Variants in GPT2 observed in about 807,000 individuals in gnomAD.
The protein encoded by GPT2 is glutamic--pyruvic transaminase 2, also known as alanine aminotransferase 2.
In GPT2, 30 loss-of-function variants were observed where a neutral mutation model predicts 56.9. That is an observed-to-expected ratio of 0.53 (90% CI 0.39 to 0.72). GPT2 has a LOEUF of 0.72. Ranked by LOEUF, GPT2 falls within the 30% of genes least tolerant of loss-of-function variation. The pLI is 0.00. For missense variants in GPT2, 542 were observed against 703.4 expected, an observed-to-expected ratio of 0.77 and a Z score of 2.60; for synonymous variants, 271 against 283.1, an observed-to-expected ratio of 0.96 and a Z score of 0.43.
In GPT2 at chr16:46,924,496, C is replaced by T. The variant is rs753982355; in HGVS notation, c.1320C>T (p.Tyr440=). The T allele has an allele frequency of 3.1e-5, 50 of 1,614,110 alleles. No individual in the cohort carries two copies. Among genetic ancestry groups the T allele is most frequent in the African/African-American group, 5.3e-5 (4 of 74,946 alleles). The change falls in exon 10 of 12, where the codon TAC becomes TAT. Residue 440 remains tyrosine, a synonymous_variant. Transcript: ENST00000340124. ...GCAACCCCTTGCAGGGGGCCATGTA[C>T]GCCTTCCCTCGGATCTTCATTCCTG... The part of the protein sequence containing the change: ...IHCNPLQGAM[Y]AFPRIFIPAK...
At chr16:46,901,003 G>A (rs926153715) in intron 4 of GPT2, among the ~76,000 whole-genome samples, 22 of 152,126 alleles carry the variant, frequency 1.4e-4, no homozygotes, top group Admixed American at 8.5e-4. Flanking sequence ...CCACCTTTAG[G>A]TGCAAGTGCC....
At chr16:46,888,794 T>C (rs1377090123) in intron 2 of GPT2, among the ~76,000 whole-genome samples, 2 of 151,234 alleles carry the variant, frequency 1.3e-5, no homozygotes, top group African/African-American at 2.4e-5. Context: ...GGACTACAGG[T>C]GTGCACCACC....
Position 46,924,567 on chromosome 16 carries a change from GCT to G in GPT2, c.1368+30_1368+31del, listed in dbSNP as rs572973528. ...CAGGTCTGGGGCATGGGCTGGGCTGGCTCTCTCTTACCAGGTTCACCTGAGAT... is the reference window on the plus strand; with the variant it reads ...CAGGTCTGGGGCATGGGCTGGGCTGGCTCTCTTACCAGGTTCACCTGAGAT... On this transcript the variant is annotated intron_variant, in intron 10 of 11. Transcript: ENST00000340124. The G allele has an allele frequency of 5.8e-4, 941 of 1,612,074 alleles. 14 individuals are homozygous for G. The South Asian group carries it at 9.8e-3, about 17-fold the overall frequency.
At position 46,884,776 on chromosome 16, in the gene GPT2, G is replaced by A; in HGVS notation, c.61G>A (p.Gly21Ser). Residue 21 changes from glycine (G) to serine (S), a missense_variant, in exon 2 of 12, where the codon GGC becomes AGC. Physicochemically the swap from Gly to Ser is moderately conservative, Grantham distance 56. Transcript: ENST00000340124. ...GCGPRTPSSW[G>S]RSQSSAAAEA... Reference sequence around the variant, plus strand: ...TGGTCCCCGGACCCCCAGCTCCTGGGGCCGCAGCCAGAGCAGCGCGGCCGC... The same window carrying A: ...TGGTCCCCGGACCCCCAGCTCCTGGAGCCGCAGCCAGAGCAGCGCGGCCGC... The A allele has an allele frequency of 6.7e-7, 1 of 1,503,444 alleles. No individual in the cohort carries two copies. Among genetic ancestry groups the A allele is most frequent in the South Asian group, 1.3e-5 (1 of 77,734 alleles). 93.1% of individuals were successfully genotyped at this position (1,503,444 alleles called of 1,614,324 possible).
In GPT2 at chr16:46,926,946, A is replaced by G. The variant is rs1596637406; in HGVS notation, c.1390A>G (p.Met464Val). Residue 464 changes from methionine to valine, a missense_variant, in exon 11 of 12, where the codon ATG becomes GTG. Transcript: ENST00000340124. ...ATAGGCCCATCAAATGGCTCCAGAC[A>G]TGTTCTACTGCATGAAGCTCCTGGA... ...AAQAHQMAPD[M>V]FYCMKLLEET... 2.5e-6 allele frequency: 4 copies of G among 1,598,442 alleles called. No homozygotes were observed. The highest frequency in any genetic ancestry group is 3.4e-6 in the Non-Finnish European group (4 of 1,173,660).
Position 46,916,693 on chromosome 16 carries a change from C to G in GPT2, c.886C>G (p.Leu296Val). The change falls in exon 7 of 12, where the codon CTC becomes GTC. Residue 296 changes from leucine to valine, a missense_variant. Physicochemically the swap from Leu to Val is conservative, Grantham distance 32. Coordinates refer to ENST00000340124, the MANE Select transcript of GPT2 (RefSeq NM_133443.4). ...IHFAWEEKLF[L>V]LADEVYQDNV... ...CTTTGCCTGGGAAGAGAAGCTCTTT[C>G]TCCTGGCTGATGAGGTAAGAATGTC... is the stretch of plus-strand genomic sequence containing the variant. The G allele has an allele frequency of 6.2e-7, 1 of 1,612,544 alleles. No homozygotes were observed. Among genetic ancestry groups the G allele is most frequent in the Non-Finnish European group, 8.5e-7 (1 of 1,178,544 alleles).
chr16:46,891,338 G>A (rs984935189), intron 2 of GPT2, among the ~76,000 whole-genome samples: 1 of 151,690 alleles, frequency 6.6e-6, no homozygotes, highest in African/African-American at 2.4e-5. Flanking sequence ...CGTCTCCCGG[G>A]TTCAGGTGAT....
At chr16:46,924,655 A>C in intron 10 of GPT2, 111 bp downstream of exon 10, 1 of 1,102,432 alleles carries the variant, frequency 9.1e-7, no homozygotes, top group Non-Finnish European at 1.3e-6. Context: ...GAGGCTCGGA[A>C]CTGTATGCAC....
chr16:46,898,924 A>ATG (rs1960746049), intron 3 of GPT2, among the ~76,000 whole-genome samples: 1 of 143,502 alleles, frequency 7.0e-6, no homozygotes, highest in African/African-American at 2.6e-5. Context: ...ACACACATAT[A>ATG]TATGTGTATA....
At chr16:46,899,035 A>ATATATAT (rs1567335287) in intron 3 of GPT2, among the ~76,000 whole-genome samples, 3 of 77,180 alleles carry the variant, frequency 3.9e-5, no homozygotes, top group African/African-American at 2.7e-4. Flanking sequence ...ATATATATAT[A>ATATATAT]TTTTTTTTTT....
intron 3 of GPT2, among the ~76,000 whole-genome samples, chr16:46,899,346 G>A (rs1960772260): frequency 6.6e-6 from 1 of 152,156 alleles, no homozygotes; most frequent in South Asian, 2.1e-4. Flanking sequence ...AGTGCTGTGT[G>A]TGGTTAAGGT....
At chr16:46,922,521 A>C in intron 9 of GPT2, 105 bp downstream of exon 9, 1 of 1,123,024 alleles carries the variant, frequency 8.9e-7, no homozygotes, top group Non-Finnish European at 1.3e-6. Flanking sequence ...CAGCCTCCTG[A>C]GGGTGTGGCC....
intron 11 of GPT2, 63 bp from the exon 12 acceptor site, chr16:46,928,844 C>T: frequency 7.9e-7 from 1 of 1,258,382 alleles, no homozygotes; most frequent in Non-Finnish European, 1.2e-6. Flanking sequence ...AGTTTAGCTG[C>T]TGGATTCGTT....
At chr16:46,893,365 T>G (rs1294699410) in intron 2 of GPT2, among the ~76,000 whole-genome samples, 2 of 151,888 alleles carry the variant, frequency 1.3e-5, no homozygotes, top group Non-Finnish European at 2.9e-5. Context: ...TCTGCTGACC[T>G]CGTGATCTAC....
intron 3 of GPT2, among the ~76,000 whole-genome samples, chr16:46,898,589 GC>G (rs777618932): frequency 6.6e-6 from 1 of 151,898 alleles, no homozygotes; most frequent in Non-Finnish European, 1.5e-5. Context: ...TTGTTTTGTT[GC>G]CCAGGTTGCA....
intron 2 of GPT2, chr16:46,885,347 G>A: frequency 1.2e-5 from 8 of 674,560 alleles, no homozygotes; most frequent in Non-Finnish European, 1.3e-5. Flanking sequence ...ACGGAAGAGG[G>A]TTGGGATGGG....
At chr16:46,921,626 G>A (rs1334004227) in intron 8 of GPT2, among the ~76,000 whole-genome samples, 1 of 152,152 alleles carries the variant, frequency 6.6e-6, no homozygotes, top group East Asian at 1.9e-4. Context: ...CACCAGAGAA[G>A]GAGATGTATG....
intron 6 of GPT2, among the ~76,000 whole-genome samples, chr16:46,911,200 AT>A (rs2143483148): frequency 6.6e-6 from 1 of 152,010 alleles, no homozygotes; most frequent in African/African-American, 2.4e-5. Context: ...AATTTTGCAT[AT>A]TTTTCTTTAA....
At chr16:46,923,788 C>T (rs910169083) in intron 9 of GPT2, 9 of 178,628 alleles carry the variant, frequency 5.0e-5, no homozygotes, top group South Asian at 1.3e-4. Flanking sequence ...GAGGGTGGGG[C>T]GCGCTGGTCC....
Sources: allele counts gnomAD v4.1 joint callset (sites outside exome capture counted in the v4.1 genomes callset), GRCh38; gene constraint gnomAD v4.1.1; transcripts MANE v1.5; gene names NCBI Gene and HGNC (gene_info 2026-07-23, HGNC 2026-07-21).